Variants in TGFBI observed in about 807,000 individuals in gnomAD.
TGFBI encodes the protein transforming growth factor-beta-induced protein ig-h3.
In TGFBI, 50 loss-of-function variants were observed where a neutral mutation model predicts 73.7. The ratio of observed to expected loss-of-function variants is 0.68; its 90% confidence interval spans 0.54 to 0.86. The LOEUF is 0.86. Ranked by LOEUF, TGFBI falls within the 40% of genes least tolerant of loss-of-function variation. The pLI is 0.00. For missense variants in TGFBI, 839 were observed against 877.0 expected (o/e 0.96, Z 0.55); for synonymous variants, 362 against 360.5 (o/e 1.00, Z -0.05).
chr5:136,049,424 C>T lies in TGFBI; in HGVS notation c.772-15C>T. On this transcript the variant is annotated splice_polypyrimidine_tract_variant and intron_variant, in intron 6 of 16. Coordinates refer to ENST00000442011, the MANE Select transcript of TGFBI (RefSeq NM_000358.3). ...GAGTCTTCAGGGAGCACTCCATCTT[C>T]TCTCCTCCCCACAGGCTGCTGTGGC... is the stretch of plus-strand genomic sequence containing the variant. 1.9e-6 allele frequency: 3 copies of T among 1,612,694 alleles called. No individual in the cohort carries two copies. The highest frequency in any genetic ancestry group is 2.5e-6 in the Non-Finnish European group (3 of 1,178,824).
Position 136,054,541 on chromosome 5 carries a change from T to G in TGFBI, c.1265-175T>G. 2.1e-6 allele frequency: 2 copies of G among 946,678 alleles called. 1 individual carries two copies. Among genetic ancestry groups the G allele is most frequent in the South Asian group, 2.6e-5 (2 of 75,672 alleles). The allele number at this position is 946,678 out of a possible 1,614,324, so 58.6% of individuals were successfully genotyped here. ...ACACCCTTGATTATCTGGATCTTCTTTAATTCTCCATAGAAGATACCAGAT... is the reference window on the plus strand; with the variant it reads ...ACACCCTTGATTATCTGGATCTTCTGTAATTCTCCATAGAAGATACCAGAT... On this transcript the variant is annotated intron_variant, in intron 9 of 16. Coordinates refer to ENST00000442011, the MANE Select transcript of TGFBI (RefSeq NM_000358.3).
chr5:136,031,636 G>A (rs1751122866), intron 1 of TGFBI, among the ~76,000 whole-genome samples: 1 of 152,134 alleles, frequency 6.6e-6, no homozygotes. Context: ...TATAGGGAAG[G>A]GGAAAAATAA....
At chr5:136,032,399 G>A (rs962746746) in intron 1 of TGFBI, among the ~76,000 whole-genome samples, 2 of 152,196 alleles carry the variant, frequency 1.3e-5, no homozygotes, top group Non-Finnish European at 2.9e-5. Flanking sequence ...GGGGCAGAAT[G>A]GACTCCCACC....
intron 6 of TGFBI, 91 bp downstream of exon 6, chr5:136,047,511 G>A: frequency 6.6e-7 from 1 of 1,509,052 alleles, no homozygotes. Context: ...GAGAGGTAGA[G>A]GATGGCTCCT....
Position 136,063,334 on chromosome 5 carries a change from G to A in TGFBI, c.*108G>A, listed in dbSNP as rs1291791907. ...TCAAAACCAAGTATCACACTTTAAT[G>A]TACATGGGCCGCACCATAATGAGAT... On this transcript the variant is annotated 3_prime_UTR_variant, in exon 17 of 17. Coordinates refer to ENST00000442011, the MANE Select transcript of TGFBI (RefSeq NM_000358.3). The A allele has an allele frequency of 4.1e-6, 4 of 986,376 alleles. No individual in the cohort carries two copies. Among genetic ancestry groups the A allele is most frequent in the South Asian group, 2.8e-5 (2 of 72,312 alleles). 61.1% of individuals were successfully genotyped at this position (986,376 alleles called of 1,614,324 possible). A position where few individuals can be genotyped will look rare whatever the true frequency, so the allele number is the denominator to read the frequency against.
chr5:136,046,626 G>A, intron 4 of TGFBI, 131 bp downstream of exon 4: 1 of 1,316,316 alleles, frequency 7.6e-7, no homozygotes, highest in Non-Finnish European at 1.0e-6. Context: ...TAACCCCTTA[G>A]AAAAGGCTGT....
At chr5:136,039,146 C>G (rs1751284893) in intron 2 of TGFBI, among the ~76,000 whole-genome samples, 1 of 152,164 alleles carries the variant, frequency 6.6e-6, no homozygotes, top group South Asian at 2.1e-4. Context: ...TCTGGAGTTT[C>G]TTTAGAAGCT....
intron 4 of TGFBI, 90 bp downstream of exon 4, chr5:136,046,585 C>T (rs983262349): frequency 7.0e-7 from 1 of 1,424,724 alleles, no homozygotes; most frequent in Non-Finnish European, 9.3e-7. Context: ...AGTCTGCAGT[C>T]ATTTCCTACT....
At chr5:136,046,567 T>C in intron 4 of TGFBI, 72 bp downstream of exon 4, 3 of 1,478,282 alleles carry the variant, frequency 2.0e-6, no homozygotes, top group Non-Finnish European at 2.7e-6. Flanking sequence ...GTGGGCATGA[T>C]GAATGGGAGT....
intron 2 of TGFBI, 34 bp downstream of exon 2, chr5:136,033,895 G>C: frequency 1.3e-6 from 2 of 1,563,658 alleles, no homozygotes; most frequent in Non-Finnish European, 1.8e-6. Context: ...AGACCAAGCT[G>C]TATGCACGCT....
At chr5:136,041,995 A>G (rs1411735843) in intron 2 of TGFBI, among the ~76,000 whole-genome samples, 2 of 152,216 alleles carry the variant, frequency 1.3e-5, no homozygotes, top group Non-Finnish European at 2.9e-5. Flanking sequence ...GGGCCCTGAC[A>G]TGAGGACTTT....
At chr5:136,029,261 G>C in intron 1 of TGFBI, 72 bp downstream of exon 1, 1 of 1,388,742 alleles carries the variant, frequency 7.2e-7, no homozygotes, top group Non-Finnish European at 9.3e-7. Flanking sequence ...GCCGCTGGGG[G>C]CATTGAACTG....
intron 7 of TGFBI, among the ~76,000 whole-genome samples, chr5:136,051,766 A>G (rs1407953436): frequency 2.6e-5 from 4 of 152,134 alleles, no homozygotes; most frequent in African/African-American, 9.7e-5. Flanking sequence ...CCTCTACCAC[A>G]TCGTGGACTT....
rs35433510 is a variant in TGFBI at position 136,038,720 on chromosome 5, C to CAAA, written c.233+4870_233+4872dup. Reference sequence around the variant, plus strand: ...TGGGCAACAGAGCAAGACTCCATCTCAAAAAAAAAAAAAGAGGGAGGCAGT... The same window carrying CAAA: ...TGGGCAACAGAGCAAGACTCCATCTCAAAAAAAAAAAAAAAAGAGGGAGGCAGT... On this transcript the variant is annotated intron_variant, in intron 2 of 16. Transcript: ENST00000442011. Among the ~76,000 whole-genome samples the CAAA allele has an allele frequency of 4.5e-3, 632 of 139,968 alleles. 5 individuals carry two copies. The highest frequency in any genetic ancestry group is 0.014 in the East Asian group (66 of 4,774). 91.8% of individuals were successfully genotyped at this position (139,968 alleles called of 152,430 possible). A position where few individuals can be genotyped will look rare whatever the true frequency, so the allele number is the denominator to read the frequency against.
At position 136,049,528 on chromosome 5, in the gene TGFBI, G is replaced by T; in HGVS notation, c.861G>T (p.Lys287Asn). 1 of 1,614,012 alleles carries T rather than the reference G, an allele frequency of 6.2e-7. No homozygotes were observed. The highest frequency in any genetic ancestry group is 1.3e-5 in the African/African-American group (1 of 75,064). ...CCCCGACCAATGAGGCCTTCGAGAAGATCCCTAGTGAGACTTTGAACCGTA... is the reference window on the plus strand; with the variant it reads ...CCCCGACCAATGAGGCCTTCGAGAATATCCCTAGTGAGACTTTGAACCGTA... ...LLAPTNEAFE[K>N]IPSETLNRIL... The change falls in exon 7 of 17, where the codon AAG becomes AAT. Residue 287 changes from lysine to asparagine, a missense_variant. Lys to Asn is a moderately conservative substitution (Grantham distance 94). Coordinates refer to ENST00000442011, the MANE Select transcript of TGFBI (RefSeq NM_000358.3).
rs1357777972 is a variant in TGFBI at position 136,045,132 on chromosome 5, C to T, written c.298+1010C>T. Among the ~76,000 whole-genome samples, 5 of 152,120 alleles carry T rather than the reference C, an allele frequency of 3.3e-5. No homozygotes were observed. The South Asian group carries it at 6.2e-4, about 19-fold the overall frequency. On this transcript the variant is annotated intron_variant, in intron 3 of 16. Coordinates refer to ENST00000442011, the MANE Select transcript of TGFBI (RefSeq NM_000358.3). ...TTAAGAATGTGAGACTGAGGCCAGG[C>T]GCAGTGGCTCATGCCTTTGATTCCA... is the stretch of plus-strand genomic sequence containing the variant.
rs1751054382 is a variant in TGFBI, at chr5:136,029,012, T to C, written c.-44T>C. 2 of 1,508,592 alleles carry C rather than the reference T, an allele frequency of 1.3e-6. No individual in the cohort carries two copies. The highest frequency in any genetic ancestry group is 2.0e-5 in the Admixed American group (1 of 49,076). The allele number at this position is 1,508,592 out of a possible 1,614,324, so 93.5% of individuals were successfully genotyped here. The stretch of plus-strand genomic sequence containing the variant: ...TCTCACTTCCCTGGAGCCGCCCGCT[T>C]GCCCGTCGGTCGCTAGCTCGCTCGG... On this transcript the variant is annotated 5_prime_UTR_variant, in exon 1 of 17. Coordinates refer to ENST00000442011, the MANE Select transcript of TGFBI (RefSeq NM_000358.3).
At chr5:136,038,145 G>T (rs111912724) in intron 2 of TGFBI, among the ~76,000 whole-genome samples, 3 of 152,310 alleles carry the variant, frequency 2.0e-5, no homozygotes, top group African/African-American at 7.2e-5. Flanking sequence ...TGTTTCCTGA[G>T]GGTTCTGTCC....
At chr5:136,042,175 A>G (rs1751352561) in intron 2 of TGFBI, among the ~76,000 whole-genome samples, 2 of 152,178 alleles carry the variant, frequency 1.3e-5, no homozygotes, top group Non-Finnish European at 1.5e-5. Context: ...TGCATATCCC[A>G]TGCATATGCA....
Sources: allele counts gnomAD v4.1 joint callset (sites outside exome capture counted in the v4.1 genomes callset), GRCh38; gene constraint gnomAD v4.1.1; transcripts MANE v1.5; gene names NCBI Gene and HGNC (gene_info 2026-07-23, HGNC 2026-07-21).